Variants in COX7A2L observed in about 807,000 individuals in gnomAD.
COX7A2L encodes the protein cytochrome c oxidase subunit 7A2 like.
Under a neutral mutation model 14.2 loss-of-function variants are expected in COX7A2L, and 18 were observed. That is an observed-to-expected ratio of 1.27 (90% CI 0.88 to 1.88). The LOEUF is 1.88. Among genes scored for constraint, COX7A2L ranks in the 40% most tolerant of loss-of-function variants. COX7A2L has a pLI of 0.00. For synonymous variants in COX7A2L, 65 were observed against 57.4 expected (o/e 1.13, Z -0.60); for missense variants, 179 against 138.8 (o/e 1.29, Z -1.46).
At chr2:42,351,933 T>C (rs1027291124) in intron 2 of COX7A2L, among the ~76,000 whole-genome samples, 1 of 152,162 alleles carries the variant, frequency 6.6e-6, no homozygotes, top group African/African-American at 2.4e-5. Context: ...CAGTGGGCCA[T>C]GAGTGTGCCA....
chr2:42,359,825 C>A (rs1271093980), intron 1 of COX7A2L: 1 of 150,538 alleles, frequency 6.6e-6, no homozygotes, highest in African/African-American at 2.4e-5. Context: ...CCGTTCCCAC[C>A]GCAACTCCCC....
chr2:42,343,245 G>C (rs536285554), intron 2 of COX7A2L, among the ~76,000 whole-genome samples: 97 of 152,332 alleles, frequency 6.4e-4, no homozygotes, highest in African/African-American at 2.1e-3. Flanking sequence ...AGAGCTCCCA[G>C]ATCAGAACAG....
rs1376798793 is a variant in COX7A2L, at chr2:42,342,343, G to A, written c.193-8474C>T. ...GACGAGGGACTTGAGCTCTCTGCTTGGCAAGATGCCCTCAGAAACCACCCC... is the reference window on the plus strand; with the variant it reads ...GACGAGGGACTTGAGCTCTCTGCTTAGCAAGATGCCCTCAGAAACCACCCC... On this transcript the variant is annotated intron_variant, in intron 2 of 2. Transcript: ENST00000468711. The surrounding 1 kb of genome is among the most constrained non-coding windows in gnomAD (Gnocchi z 4.9). 6.6e-6 allele frequency among the ~76,000 whole-genome samples: 1 copy of A among 152,044 alleles called. No homozygotes were observed. Among genetic ancestry groups the A allele is most frequent in the Non-Finnish European group, 1.5e-5 (1 of 67,992 alleles).
chr2:42,365,384 TG>T (rs1403455250), upstream of COX7A2L, among the ~76,000 whole-genome samples: 1 of 152,142 alleles, frequency 6.6e-6, no homozygotes, highest in African/African-American at 2.4e-5. Flanking sequence ...CCCAGCACTC[TG>T]GGAGGCCAAG....
upstream of COX7A2L, among the ~76,000 whole-genome samples, chr2:42,365,160 A>G (rs533189621): frequency 6.6e-6 from 1 of 152,362 alleles, no homozygotes; most frequent in Admixed American, 6.5e-5. Flanking sequence ...ATTACAGTAC[A>G]CACAGTTGTC....
intron 1 of COX7A2L, among the ~76,000 whole-genome samples, chr2:42,354,789 A>C (rs551435601): frequency 4.7e-4 from 72 of 152,364 alleles, no homozygotes; most frequent in African/African-American, 1.7e-3. Context: ...CTAGAAATAC[A>C]CAATGAATAA....
In COX7A2L at chr2:42,354,091, G is replaced by C. The variant is rs761790168; in HGVS notation, c.73-748C>G. 5.8e-4 allele frequency among the ~76,000 whole-genome samples: 89 copies of C among 152,152 alleles called. 1 individual carries two copies. The highest frequency in any genetic ancestry group is 2.6e-4 in the Admixed American group (4 of 15,272). On this transcript the variant is annotated intron_variant, in intron 1 of 2. Coordinates refer to ENST00000234301, the MANE Select transcript of COX7A2L (RefSeq NM_004718.4). ...GGTTGCTTCAGGTGGGGGCTTGGGG[G>C]CTAGGGAGGTAACAGTTAAAAGGTA... is the stretch of plus-strand genomic sequence containing the variant.
At chr2:42,341,251 G>A (rs1159920994) in intron 2 of COX7A2L, among the ~76,000 whole-genome samples, 1 of 152,120 alleles carries the variant, frequency 6.6e-6, no homozygotes, top group Non-Finnish European at 1.5e-5. Flanking sequence ...AGGCCCTGAT[G>A]AGAACTCACA....
downstream of COX7A2L, among the ~76,000 whole-genome samples, chr2:42,347,623 G>C (rs1670523897): frequency 6.6e-6 from 1 of 152,084 alleles, no homozygotes; most frequent in Non-Finnish European, 1.5e-5. Context: ...AAATAAAACA[G>C]GCAAAGAAAA....
intron 2 of COX7A2L, among the ~76,000 whole-genome samples, chr2:42,337,373 C>T (rs960261182): frequency 6.6e-6 from 1 of 152,186 alleles, no homozygotes; most frequent in Non-Finnish European, 1.5e-5. Flanking sequence ...CAAAACTCTA[C>T]AAACTGCATC....
At chr2:42,340,098 G>A (rs557878314) in intron 2 of COX7A2L, among the ~76,000 whole-genome samples, 5 of 152,070 alleles carry the variant, frequency 3.3e-5, no homozygotes, top group African/African-American at 1.2e-4. Context: ...GAATGCTTAT[G>A]GGATTCCTCA....
chr2:42,356,061 G>A (rs1473215616), intron 1 of COX7A2L, among the ~76,000 whole-genome samples: 1 of 151,978 alleles, frequency 6.6e-6, no homozygotes, highest in Non-Finnish European at 1.5e-5. Context: ...CTAGGCTCTT[G>A]CTTTGTCACT....
intron 1 of COX7A2L, among the ~76,000 whole-genome samples, chr2:42,353,747 T>G (rs569925377): frequency 6.6e-6 from 1 of 152,324 alleles, no homozygotes; most frequent in African/African-American, 2.4e-5. Flanking sequence ...ATATTCAATG[T>G]GGAACAGGCT....
intron 1 of COX7A2L, among the ~76,000 whole-genome samples, chr2:42,354,712 G>A (rs1670763356): frequency 6.6e-6 from 1 of 152,190 alleles, no homozygotes; most frequent in Non-Finnish European, 1.5e-5. Context: ...AAATGGGAAT[G>A]AACCATGGCC....
downstream of COX7A2L, among the ~76,000 whole-genome samples, chr2:42,346,665 G>A (rs1670503750): frequency 6.6e-6 from 1 of 151,946 alleles, no homozygotes; most frequent in Non-Finnish European, 1.5e-5. Context: ...TTAGGAGGGT[G>A]AGGTGGATCA....
upstream of COX7A2L, among the ~76,000 whole-genome samples, chr2:42,365,488 A>G (rs1345850889): frequency 2.6e-5 from 4 of 152,222 alleles, no homozygotes; most frequent in East Asian, 3.9e-4. Context: ...TTAGTTGGGC[A>G]TGGTGGCATG....
chr2:42,337,605 T>C (rs1376266953), intron 2 of COX7A2L, among the ~76,000 whole-genome samples: 1 of 152,136 alleles, frequency 6.6e-6, no homozygotes, highest in Non-Finnish European at 1.5e-5. Flanking sequence ...AGGAAGCCTG[T>C]GGTCTGGATT....
At chr2:42,353,646 AT>A (rs1177291069) in intron 1 of COX7A2L, among the ~76,000 whole-genome samples, 2 of 152,202 alleles carry the variant, frequency 1.3e-5, no homozygotes, top group South Asian at 2.1e-4. Flanking sequence ...TCTGTCTGCC[AT>A]TTTTTTCTTC....
downstream of COX7A2L, among the ~76,000 whole-genome samples, chr2:42,348,601 C>G (rs1428017017): frequency 1.3e-5 from 2 of 152,104 alleles, no homozygotes; most frequent in African/African-American, 2.4e-5. Context: ...TGGGGACTGA[C>G]TATTCTGGAT....
Sources: gnomAD v4.1 joint callset for allele counts (sites outside exome capture counted in the v4.1 genomes callset) on GRCh38, gnomAD v4.1.1 for gene constraint, Gnocchi (gnomAD v3.1) non-coding constraint, MANE v1.5 for transcripts, NCBI Gene and HGNC (gene_info 2026-07-23, HGNC 2026-07-21) for gene names.